Variants in GTF2H1 observed in about 807,000 individuals in gnomAD.
GTF2H1 encodes the protein general transcription factor IIH subunit 1.
Under a neutral mutation model 71.2 loss-of-function variants are expected in GTF2H1, and 16 were observed. The ratio of observed to expected loss-of-function variants is 0.22; its 90% CI spans 0.15 to 0.34. The LOEUF is 0.34. GTF2H1 is among the 10% of genes least tolerant of loss of function. GTF2H1 has a pLI of 1.00. For synonymous variants in GTF2H1, 215 were observed against 219.0 expected (o/e 0.98, Z 0.16); for missense variants, 498 against 648.2 (o/e 0.77, Z 2.52).
chr11:18,334,649 C>T (rs1046692082), intron 2 of GTF2H1, among the ~76,000 whole-genome samples: 1 of 152,160 alleles, frequency 6.6e-6, no homozygotes, highest in Non-Finnish European at 1.5e-5. Flanking sequence ...TGCACCAGAA[C>T]AGTTTCAAGT....
intron 9 of GTF2H1, among the ~76,000 whole-genome samples, chr11:18,350,635 C>T (rs1224139964): frequency 1.3e-5 from 2 of 152,102 alleles, no homozygotes; most frequent in African/African-American, 4.8e-5. Context: ...TATTTAGAAT[C>T]TTAAAGCTGG....
In GTF2H1 at chr11:18,341,404, G is replaced by GA; in HGVS notation, c.756dup (p.Gly253ArgfsTer23). The GA allele has an allele frequency of 6.2e-7, 1 of 1,613,074 alleles. No individual in the cohort carries two copies. The highest frequency in any genetic ancestry group is 8.5e-7 in the Non-Finnish European group (1 of 1,179,716). The stretch of plus-strand genomic sequence containing the variant: ...CTTTGCAGAATGTGCCAAAATAGAT[G>GA]AAAAAGGTAACTGTTTATCTCTGAT... On this transcript the variant is annotated frameshift_variant, in exon 6 of 15. Coordinates refer to ENST00000265963, the MANE Select transcript of GTF2H1 (RefSeq NM_005316.4). LOFTEE classifies it high-confidence loss of function.
At chr11:18,331,700 TG>T (rs1256023170) in intron 1 of GTF2H1, among the ~76,000 whole-genome samples, 1 of 151,436 alleles carries the variant, frequency 6.6e-6, no homozygotes, top group African/African-American at 2.4e-5. Context: ...AGTAGTTTTT[TG>T]GGGGTTTTTT....
intron 11 of GTF2H1, among the ~76,000 whole-genome samples, chr11:18,357,247 G>A (rs945423568): frequency 6.6e-6 from 1 of 152,182 alleles, no homozygotes; most frequent in African/African-American, 2.4e-5. Flanking sequence ...CCTGGCACTT[G>A]ATAGGCACTC....
In GTF2H1 at chr11:18,325,365, G is replaced by A. The variant is rs4150546; in HGVS notation, c.-16+2625G>A. 4.6e-3 allele frequency among the ~76,000 whole-genome samples: 706 copies of A among 152,278 alleles called. 6 individuals are homozygous for A. The highest frequency in any genetic ancestry group is 0.016 in the African/African-American group (678 of 41,558). On this transcript the variant is annotated intron_variant, in intron 1 of 14. Coordinates refer to ENST00000265963, the MANE Select transcript of GTF2H1 (RefSeq NM_005316.4). ...TGAATTGAAAACTATAGTGGTTCCC[G>A]GAGTTTAGGCAAAGATGTATATGCA...
At chr11:18,328,701 C>T (rs1864826992) in intron 1 of GTF2H1, among the ~76,000 whole-genome samples, 1 of 150,726 alleles carries the variant, frequency 6.6e-6, no homozygotes, top group African/African-American at 2.4e-5. Context: ...TGGCACATGC[C>T]TGTAGTCCCG....
intron 12 of GTF2H1, among the ~76,000 whole-genome samples, chr11:18,358,277 A>G (rs1865609544): frequency 6.6e-6 from 1 of 152,220 alleles, no homozygotes; most frequent in African/African-American, 2.4e-5. Context: ...TATCATAGTA[A>G]AAGCTCCTTT....
At position 18,355,975 on chromosome 11, in the gene GTF2H1, T is replaced by C. The variant is rs1865534815; in HGVS notation, c.1261-1977T>C. On this transcript the variant is annotated intron_variant, in intron 11 of 14. Transcript: ENST00000265963. The stretch of plus-strand genomic sequence containing the variant: ...GTCTTTCTGACAATATCCCCGTCAT[T>C]CTTAGCCCCTCCTTACTGAATGGTA... Among the ~76,000 whole-genome samples the C allele has an allele frequency of 2.0e-5, 3 of 152,112 alleles. No individual in the cohort carries two copies. The South Asian group carries it at 6.2e-4, about 31-fold the overall frequency.
chr11:18,354,916 C>T (rs1235091589), intron 11 of GTF2H1, among the ~76,000 whole-genome samples: 1 of 151,860 alleles, frequency 6.6e-6, no homozygotes, highest in Non-Finnish European at 1.5e-5. Context: ...TCAAGCGATC[C>T]TCCCACCTCA....
chr11:18,328,134 C>T (rs889059734), intron 1 of GTF2H1, among the ~76,000 whole-genome samples: 4 of 144,474 alleles, frequency 2.8e-5, no homozygotes, highest in African/African-American at 5.2e-5. Flanking sequence ...ACTGGGGAGG[C>T]GGAGGTTGCA....
At chr11:18,345,309 C>G (rs1262193340) in intron 7 of GTF2H1, among the ~76,000 whole-genome samples, 1 of 152,132 alleles carries the variant, frequency 6.6e-6, no homozygotes, top group Non-Finnish European at 1.5e-5. Context: ...CTGTTTTATT[C>G]AATGACATTT....
At chr11:18,323,502 G>A (rs2133944673) in intron 1 of GTF2H1, among the ~76,000 whole-genome samples, 1 of 151,878 alleles carries the variant, frequency 6.6e-6, no homozygotes, top group African/African-American at 2.4e-5. Flanking sequence ...ATGGGGATGG[G>A]GAAAGAAGAT....
intron 11 of GTF2H1, among the ~76,000 whole-genome samples, chr11:18,355,091 GT>G (rs1565017439): frequency 1.3e-5 from 2 of 149,004 alleles, no homozygotes; most frequent in African/African-American, 2.5e-5. Flanking sequence ...ATTACAGGCC[GT>G]TTTTTTCTTT....
intron 1 of GTF2H1, among the ~76,000 whole-genome samples, chr11:18,327,791 G>T (rs1258650302): frequency 1.3e-5 from 2 of 152,192 alleles, no homozygotes; most frequent in African/African-American, 2.4e-5. Context: ...GTTTTGCTAT[G>T]TTGCACGGGC....
At chr11:18,323,860 AT>A (rs1442476054) in intron 1 of GTF2H1, among the ~76,000 whole-genome samples, 2 of 152,162 alleles carry the variant, frequency 1.3e-5, no homozygotes, top group African/African-American at 2.4e-5. Flanking sequence ...CAACCTTAAG[AT>A]TTTTTAAAAG....
chr11:18,365,774 G>T lies in GTF2H1; in HGVS notation c.1561-9G>T. On this transcript the variant is annotated splice_polypyrimidine_tract_variant and intron_variant, in intron 14 of 14. Transcript: ENST00000265963. ...GCCCAGTTGTTAAGTGTCTTGCTGTGTTTTTCAGTTGGTAAGTCACATAGA... is the reference window on the plus strand; with the variant it reads ...GCCCAGTTGTTAAGTGTCTTGCTGTTTTTTTCAGTTGGTAAGTCACATAGA... The T allele has an allele frequency of 6.2e-7, 1 of 1,604,194 alleles. No individual in the cohort carries two copies. The highest frequency in any genetic ancestry group is 8.5e-7 in the Non-Finnish European group (1 of 1,170,976).
At chr11:18,338,934 C>T (rs1865094962) in intron 4 of GTF2H1, among the ~76,000 whole-genome samples, 1 of 152,112 alleles carries the variant, frequency 6.6e-6, no homozygotes, top group Admixed American at 6.6e-5. Context: ...GTAGGGCTTT[C>T]TGCTGCCTTT....
intron 3 of GTF2H1, among the ~76,000 whole-genome samples, chr11:18,336,640 T>G (rs1266522871): frequency 6.6e-6 from 1 of 152,214 alleles, no homozygotes; most frequent in African/African-American, 2.4e-5. Flanking sequence ...GTTCCTTAAT[T>G]TCTTTTCCCA....
At position 18,347,865 on chromosome 11, in the gene GTF2H1, C is replaced by G; in HGVS notation, c.999C>G (p.Ser333Arg). The change falls in exon 9 of 15, where the codon AGC becomes AGG. Residue 333 changes from serine to arginine, a missense_variant. By Grantham distance (110) the Ser-to-Arg change is moderately radical. This residue lies in a region of GTF2H1 where 266 missense variants were observed against 301.6 expected (regional missense o/e 0.88). Transcript: ENST00000265963. ...AAAATGAACAAACTAGTGAGCCCAG[C>G]AACATGGATGGAAATTCCGGAGATG... ...EAQNEQTSEP[S>R]NMDGNSGDAD... 6.2e-7 allele frequency: 1 copy of G among 1,613,190 alleles called. No homozygotes were observed. Among genetic ancestry groups the G allele is most frequent in the Non-Finnish European group, 8.5e-7 (1 of 1,179,666 alleles).
Sources: gnomAD v4.1 joint callset for allele counts (sites outside exome capture counted in the v4.1 genomes callset) on GRCh38, gnomAD v4.1.1 for gene constraint, gnomAD v4.1.1 regional missense constraint, MANE v1.5 for transcripts, NCBI Gene and HGNC (gene_info 2026-07-23, HGNC 2026-07-21) for gene names.